CNTN5: variants seen among roughly 807,000 people sequenced by gnomAD.
CNTN5 encodes contactin-5.
A neutral mutation model predicts 129.1 loss-of-function variants in CNTN5; 77 were observed. The observed-to-expected ratio is 0.60, with a 90% confidence interval of 0.50 to 0.72. The LOEUF (loss-of-function observed/expected upper bound fraction) is 0.72, where lower values mean the gene tolerates loss of function less well. Among genes scored for constraint, CNTN5 ranks in the 30% least tolerant of loss-of-function variants. The pLI is 0.00. For synonymous variants in CNTN5, 509 were observed against 465.6 expected (o/e 1.09, Z -1.20); for missense variants, 1,478 against 1,328.8 (o/e 1.11, Z -1.75).
At chr11:99,538,643 A>G (rs902117291) in intron 2 of CNTN5, among the ~76,000 whole-genome samples, 1 of 152,158 alleles carries the variant, frequency 6.6e-6, no homozygotes, top group East Asian at 1.9e-4. Context: ...AGTCAAGTGG[A>G]AAATGGCAAA....
At chr11:100,309,025 T>C (rs1951414437) in intron 21 of CNTN5, 1 of 985,108 alleles carries the variant, frequency 1.0e-6, no homozygotes, top group South Asian at 4.7e-5. Context: ...AATTTTAGCC[T>C]CCGCAGAGAA....
Position 99,137,457 on chromosome 11 carries a change from C to G in CNTN5, c.-210+116187C>G, listed in dbSNP as rs112845692. On this transcript the variant is annotated intron_variant, in intron 1 of 24. Coordinates refer to ENST00000524871, the MANE Select transcript of CNTN5 (RefSeq NM_014361.4). The stretch of plus-strand genomic sequence containing the variant: ...TTATGCTCATTATACGAGGTAGTTT[C>G]CATGTCACGAAGGTAAGAAAATATG... 1.7e-4 allele frequency among the ~76,000 whole-genome samples: 26 copies of G among 152,118 alleles called. 1 individual carries two copies. The highest frequency in any genetic ancestry group is 5.5e-4 in the African/African-American group (23 of 41,526).
rs1343167684 is a variant in CNTN5, at chr11:99,564,018, T to C, written c.55+7749T>C. Among the ~76,000 whole-genome samples the C allele has an allele frequency of 2.0e-5, 3 of 152,322 alleles. 1 individual carries two copies. The highest frequency in any genetic ancestry group is 6.8e-3 in the Middle Eastern group (2 of 294). On this transcript the variant is annotated intron_variant, in intron 3 of 24. Coordinates refer to ENST00000524871, the MANE Select transcript of CNTN5 (RefSeq NM_014361.4). ...AAAAACGTGGGCTCATTTTTTACTC[T>C]AACACATATTTATATATGTCTGTGA...
chr11:99,023,066 A>T (rs998834301), intron 1 of CNTN5, among the ~76,000 whole-genome samples: 3 of 152,246 alleles, frequency 2.0e-5, no homozygotes, highest in Non-Finnish European at 4.4e-5. Flanking sequence ...ACATCCAAAA[A>T]GCTACAGTTG....
chr11:99,331,560 C>G (rs1591532927), intron 2 of CNTN5, among the ~76,000 whole-genome samples: 2 of 152,112 alleles, frequency 1.3e-5, no homozygotes, highest in African/African-American at 4.8e-5. Context: ...GACAAAACAC[C>G]TTGGTGCCTA....
At chr11:99,624,596 A>G (rs1393508607) in intron 3 of CNTN5, among the ~76,000 whole-genome samples, 1 of 152,158 alleles carries the variant, frequency 6.6e-6, no homozygotes, top group Non-Finnish European at 1.5e-5. Context: ...TAGTCAATTT[A>G]GTTGACTAAA....
chr11:100,243,682 T>C (rs1949785766), intron 16 of CNTN5, among the ~76,000 whole-genome samples: 1 of 152,188 alleles, frequency 6.6e-6, no homozygotes, highest in African/African-American at 2.4e-5. Flanking sequence ...GCATAAAGAA[T>C]CAAATGAAAC....
At chr11:100,258,753 G>A (rs1339220903) in intron 17 of CNTN5, among the ~76,000 whole-genome samples, 1 of 152,158 alleles carries the variant, frequency 6.6e-6, no homozygotes, top group Non-Finnish European at 1.5e-5. Context: ...GCTGAGAGAT[G>A]TTGTCACCAC....
At chr11:99,261,357 T>A (rs1037403268) in intron 1 of CNTN5, among the ~76,000 whole-genome samples, 1 of 152,046 alleles carries the variant, frequency 6.6e-6, no homozygotes, top group Non-Finnish European at 1.5e-5. Flanking sequence ...CAATAGCCCC[T>A]GTTTATTGGG....
At chr11:99,823,279 G>A (rs545759441) in intron 4 of CNTN5, among the ~76,000 whole-genome samples, 251 of 152,172 alleles carry the variant, frequency 1.6e-3, no homozygotes, top group African/African-American at 5.8e-3. Context: ...CATTCTCATA[G>A]TTTCATAGCT....
chr11:99,598,587 G>T (rs1251656168), intron 3 of CNTN5, among the ~76,000 whole-genome samples: 2 of 150,898 alleles, frequency 1.3e-5, no homozygotes, highest in Non-Finnish European at 2.9e-5. Context: ...CCTTTGGAAA[G>T]GTACTTCTTT....
In CNTN5 at chr11:99,027,300, A is replaced by C. The variant is rs577948012; in HGVS notation, c.-210+6030A>C. On this transcript the variant is annotated intron_variant, in intron 1 of 24. Coordinates refer to ENST00000524871, the MANE Select transcript of CNTN5 (RefSeq NM_014361.4). Reference sequence around the variant, plus strand: ...TAATAAATGTTTAATGGAAGCCCTAAATCAAACAGAAACTCAGCAAGAAAT... The same window carrying C: ...TAATAAATGTTTAATGGAAGCCCTACATCAAACAGAAACTCAGCAAGAAAT... 1.3e-4 allele frequency among the ~76,000 whole-genome samples: 20 copies of C among 151,740 alleles called. No homozygotes were observed. In the South Asian group the frequency reaches 3.9e-3, roughly 30 times the overall value.
At chr11:99,362,737 T>C (rs61891988) in intron 2 of CNTN5, among the ~76,000 whole-genome samples, 1 of 151,642 alleles carries the variant, frequency 6.6e-6, no homozygotes, top group African/African-American at 2.4e-5. Context: ...TTATCTTCGA[T>C]GTGGATATTC....
At chr11:100,184,102 A>T (rs1252970370) in intron 13 of CNTN5, among the ~76,000 whole-genome samples, 1 of 152,158 alleles carries the variant, frequency 6.6e-6, no homozygotes, top group Non-Finnish European at 1.5e-5. Context: ...ACTTCCGTAA[A>T]TAGCTCAGGT....
intron 2 of CNTN5, among the ~76,000 whole-genome samples, chr11:99,371,138 T>C (rs1313816224): frequency 1.3e-5 from 2 of 152,258 alleles, no homozygotes; most frequent in East Asian, 3.9e-4. Flanking sequence ...TTATACCACA[T>C]ATAGATCCTT....
chr11:99,197,644 A>G (rs556928709), intron 1 of CNTN5, among the ~76,000 whole-genome samples: 22 of 152,176 alleles, frequency 1.4e-4, no homozygotes, highest in African/African-American at 5.1e-4. Flanking sequence ...CTTCACAGCA[A>G]GAATGTCACC....
intron 1 of CNTN5, among the ~76,000 whole-genome samples, chr11:99,216,391 A>G (rs890386880): frequency 3.3e-5 from 5 of 152,160 alleles, no homozygotes; most frequent in African/African-American, 1.2e-4. Context: ...TTCTTTACCC[A>G]TTCATCCACT....
intron 21 of CNTN5, among the ~76,000 whole-genome samples, chr11:100,335,644 T>A (rs528112825): frequency 6.6e-6 from 1 of 152,206 alleles, no homozygotes; most frequent in East Asian, 1.9e-4. Context: ...GGTAGGCACC[T>A]GTAATCCCAG....
chr11:100,268,285 T>C lies in CNTN5; in HGVS notation c.2165-2807T>C, dbSNP rs553907596. On this transcript the variant is annotated intron_variant, in intron 17 of 24. Transcript: ENST00000524871. The stretch of plus-strand genomic sequence containing the variant: ...AAGTGAGAGGTTTAGCGTAAAGTTA[T>C]TGGCATATAAATAATTTAAAATATG... Among the ~76,000 whole-genome samples the C allele has an allele frequency of 2.6e-5, 4 of 152,252 alleles. No homozygotes were observed. The South Asian group carries it at 6.2e-4, about 24-fold the overall frequency.
Sources: allele counts gnomAD v4.1 joint callset (sites outside exome capture counted in the v4.1 genomes callset), GRCh38; gene constraint gnomAD v4.1.1; transcripts MANE v1.5; gene names NCBI Gene and HGNC (gene_info 2026-07-23, HGNC 2026-07-21).